The following PCDH15 variants were observed in gnomAD, a reference collection of about 807,000 sequenced individuals.
PCDH15 encodes the protein protocadherin related 15, also known as protocadherin-15.
In PCDH15, 129 loss-of-function variants were observed where a neutral mutation model predicts 178.5. That is an observed-to-expected ratio of 0.72 (90% CI 0.63 to 0.84). The LOEUF (loss-of-function observed/expected upper bound fraction) is 0.84, where lower values mean the gene tolerates loss of function less well. Ranked by LOEUF, PCDH15 falls within the 40% of genes least tolerant of loss-of-function variation. The probability of loss-of-function intolerance (pLI) is 0.00; values close to 1 mark genes in which losing one functional copy is unlikely to be tolerated. For missense variants in PCDH15, 2,230 were observed against 2,099.9 expected, an observed-to-expected ratio of 1.06 and a Z score of -1.21; for synonymous variants, 800 against 732.0, an observed-to-expected ratio of 1.09 and a Z score of -1.50.
At chr10:54,229,603 A>G (rs1225104076) in intron 9 of PCDH15, among the ~76,000 whole-genome samples, 5 of 152,284 alleles carry the variant, frequency 3.3e-5, no homozygotes, top group Non-Finnish European at 7.4e-5. Flanking sequence ...GTGAAAGTGA[A>G]TAAGTCTCAC....
At chr10:54,342,854 C>T (rs1050633051) in intron 6 of PCDH15, among the ~76,000 whole-genome samples, 4 of 152,206 alleles carry the variant, frequency 2.6e-5, no homozygotes, top group Non-Finnish European at 4.4e-5. Context: ...GATTTAATAA[C>T]TGCCCTGCTG....
intron 3 of PCDH15, among the ~76,000 whole-genome samples, chr10:54,396,055 C>G (rs1198512065): frequency 1.3e-5 from 2 of 152,100 alleles, no homozygotes; most frequent in African/African-American, 2.4e-5. Context: ...CTCTATTTAC[C>G]TAAAAGGACG....
chr10:55,225,650 T>TGAGAGAGAGA (rs56234985), intron 1 of PCDH15, among the ~76,000 whole-genome samples: 1 of 148,030 alleles, frequency 6.8e-6, no homozygotes, highest in Non-Finnish European at 1.5e-5. Context: ...TGTGTGTGTG[T>TGAGAGAGAGA]GAGAGAGAGA....
At chr10:54,658,405 AGT>A in intron 2 of PCDH15, among the ~76,000 whole-genome samples, 1 of 152,310 alleles carries the variant, frequency 6.6e-6, no homozygotes, top group Non-Finnish European at 1.5e-5. Context: ...TATAAAATGT[AGT>A]CCCATTAGAC....
intron 3 of PCDH15, among the ~76,000 whole-genome samples, chr10:54,504,315 G>C (rs1589757392): frequency 6.6e-6 from 1 of 152,002 alleles, no homozygotes; most frequent in Non-Finnish European, 1.5e-5. Context: ...CTGCCAACTT[G>C]GTCTTTTTGT....
intron 2 of PCDH15, among the ~76,000 whole-genome samples, chr10:55,013,894 AC>A (rs1201975874): frequency 6.6e-6 from 1 of 152,096 alleles, no homozygotes; most frequent in Non-Finnish European, 1.5e-5. Flanking sequence ...CAGTATTCAA[AC>A]TATTAATTAT....
At chr10:54,616,842 A>G (rs2093173668) in intron 2 of PCDH15, among the ~76,000 whole-genome samples, 1 of 151,986 alleles carries the variant, frequency 6.6e-6, no homozygotes, top group Non-Finnish European at 1.5e-5. Flanking sequence ...TCTTGTTACT[A>G]ATTTCTTTGG....
chr10:55,537,142 T>C (rs1234046912), intron 2 of PCDH15, among the ~76,000 whole-genome samples: 2 of 152,052 alleles, frequency 1.3e-5, no homozygotes, highest in Admixed American at 6.6e-5. Context: ...TTATTAATGC[T>C]GATACCAGTG....
upstream of PCDH15, among the ~76,000 whole-genome samples, chr10:55,324,279 TA>T (rs1843976804): frequency 6.6e-6 from 1 of 152,070 alleles, no homozygotes; most frequent in Non-Finnish European, 1.5e-5. Flanking sequence ...ATGTCCCAAT[TA>T]AAAGTCACAG....
At chr10:54,692,330 T>C (rs2095137037) in intron 1 of PCDH15, among the ~76,000 whole-genome samples, 1 of 152,196 alleles carries the variant, frequency 6.6e-6, no homozygotes, top group South Asian at 2.1e-4. Context: ...CAGTGATATA[T>C]TTATTGCACT....
chr10:54,498,594 T>C (rs1373587500), intron 3 of PCDH15, among the ~76,000 whole-genome samples: 1 of 151,974 alleles, frequency 6.6e-6, no homozygotes, highest in Admixed American at 6.6e-5. Flanking sequence ...AATGAAGAAA[T>C]ATCTATCAAG....
At chr10:54,388,516 G>A (rs1034519512) in intron 3 of PCDH15, among the ~76,000 whole-genome samples, 4 of 152,014 alleles carry the variant, frequency 2.6e-5, no homozygotes, top group African/African-American at 7.2e-5. Flanking sequence ...TAAAGCATAC[G>A]CCACATACTG....
chr10:55,087,578 G>A (rs944719901), intron 2 of PCDH15, among the ~76,000 whole-genome samples: 1 of 152,048 alleles, frequency 6.6e-6, no homozygotes, highest in South Asian at 2.1e-4. Context: ...TATCCTGCTG[G>A]GTGGAGGCTT....
chr10:54,576,557 T>C (rs2090497429), intron 2 of PCDH15, among the ~76,000 whole-genome samples: 1 of 152,210 alleles, frequency 6.6e-6, no homozygotes. Context: ...ATTCATGTCA[T>C]GAAATTATCA....
At chr10:55,064,228 A>G (rs999744085) in intron 2 of PCDH15, among the ~76,000 whole-genome samples, 5 of 152,162 alleles carry the variant, frequency 3.3e-5, no homozygotes, top group Admixed American at 6.5e-5. Context: ...ATTATCTAGG[A>G]GTTACTGCTA....
intron 3 of PCDH15, among the ~76,000 whole-genome samples, chr10:54,518,794 T>C (rs1365418557): frequency 4.6e-5 from 7 of 152,280 alleles, no homozygotes; most frequent in Non-Finnish European, 1.0e-4. Context: ...TTGATGAACA[T>C]TGATGCAGAA....
chr10:55,442,120 A>G (rs1839201552), intron 2 of PCDH15, among the ~76,000 whole-genome samples: 1 of 152,146 alleles, frequency 6.6e-6, no homozygotes, highest in Admixed American at 6.6e-5. Context: ...CCAAGTTTGT[A>G]GTCATTTGTT....
rs573531300 is a variant in PCDH15, at chr10:54,272,548, A to T, written c.877-35617T>A. 2.0e-5 allele frequency among the ~76,000 whole-genome samples: 3 copies of T among 152,280 alleles called. No homozygotes were observed. The East Asian group carries it at 5.8e-4, about 29-fold the overall frequency. ...TTTTGTTTACTTAATGATTATTCAA[A>T]AGATGTTAAGTAAACATTCTATAGA... On this transcript the variant is annotated intron_variant, in intron 8 of 37. Transcript: ENST00000644397.
intron 1 of PCDH15, among the ~76,000 whole-genome samples, chr10:55,208,333 T>TTATC (rs1462246929): frequency 2.0e-5 from 3 of 152,098 alleles, no homozygotes; most frequent in Non-Finnish European, 4.4e-5. Flanking sequence ...TGCCACTGTG[T>TTATC]TATCTCCACA....
Sources: gnomAD v4.1 joint callset for allele counts (sites outside exome capture counted in the v4.1 genomes callset) on GRCh38, gnomAD v4.1.1 for gene constraint, MANE v1.5 for transcripts, NCBI Gene and HGNC (gene_info 2026-07-23, HGNC 2026-07-21) for gene names.